Variants in FAM81A observed in about 807,000 individuals in gnomAD.
The protein encoded by FAM81A is protein FAM81A.
FAM81A carries 19 observed loss-of-function variants against 46.7 expected under a neutral mutation model. The observed-to-expected ratio is 0.41, with a 90% CI of 0.28 to 0.60. The LOEUF (loss-of-function observed/expected upper bound fraction) is 0.60. Ranked by LOEUF, FAM81A falls within the 20% of genes least tolerant of loss-of-function variation. The pLI is 0.34. For missense variants in FAM81A, 377 were observed against 453.5 expected, an observed-to-expected ratio of 0.83 and a Z score of 1.53; for synonymous variants, 183 against 152.9, an observed-to-expected ratio of 1.20 and a Z score of -1.45.
At chr15:59,400,451 G>A (rs931329784) in intron 1 of FAM81A, among the ~76,000 whole-genome samples, 2 of 152,158 alleles carry the variant, frequency 1.3e-5, no homozygotes, top group South Asian at 2.1e-4. Context: ...GCCCCGCACC[G>A]GCTCAGACCC....
At chr15:59,465,198 C>T (rs1328109137) in intron 3 of FAM81A, among the ~76,000 whole-genome samples, 1 of 152,124 alleles carries the variant, frequency 6.6e-6, no homozygotes, top group Non-Finnish European at 1.5e-5. Context: ...CAGTACCATG[C>T]TGTTTTGGTT....
chr15:59,444,760 T>C (rs775174832), intron 1 of FAM81A, among the ~76,000 whole-genome samples: 1 of 152,248 alleles, frequency 6.6e-6, no homozygotes, highest in Non-Finnish European at 1.5e-5. Flanking sequence ...TTGACTGTTT[T>C]ATTTTATTTT....
At chr15:59,416,168 G>A (rs1283276738) in intron 2 of FAM81A, among the ~76,000 whole-genome samples, 2 of 152,182 alleles carry the variant, frequency 1.3e-5, no homozygotes, top group Admixed American at 6.5e-5. Context: ...TTATTTGGGA[G>A]GTGATCCCAG....
At chr15:59,453,681 G>A (rs1193593542) in intron 1 of FAM81A, among the ~76,000 whole-genome samples, 1 of 152,014 alleles carries the variant, frequency 6.6e-6, no homozygotes, top group Non-Finnish European at 1.5e-5. Flanking sequence ...GTAAAAATGG[G>A]AAGTTAAGAG....
chr15:59,519,793 T>C (rs1000974650), intron 8 of FAM81A, among the ~76,000 whole-genome samples: 2 of 152,206 alleles, frequency 1.3e-5, no homozygotes, highest in Non-Finnish European at 2.9e-5. Context: ...ACACAATTTC[T>C]TTATTCACTA....
chr15:59,413,034 A>C (rs1225512407), intron 2 of FAM81A, among the ~76,000 whole-genome samples: 3 of 152,300 alleles, frequency 2.0e-5, no homozygotes, highest in African/African-American at 7.2e-5. Context: ...GAGAAACCAG[A>C]ATTTCACAGT....
At position 59,514,405 on chromosome 15, in the gene FAM81A, T is replaced by C; in HGVS notation, c.767T>C (p.Leu256Ser). ...ELLQKIDQLSLIVKENSGASE... is the reference protein window; with the variant it reads ...ELLQKIDQLSSIVKENSGASE... ...TTACAGAAAATTGATCAGCTTTCCT[T>C]GATTGTTAAGGAAAACAGTGTAGGT... Residue 256 changes from leucine (L) to serine (S), a missense_variant, in exon 7 of 9, where the codon TTG becomes TCG. Coordinates refer to ENST00000288228, the MANE Select transcript of FAM81A (RefSeq NM_152450.3). The C allele has an allele frequency of 1.2e-6, 2 of 1,613,256 alleles. No individual in the cohort carries two copies. The highest frequency in any genetic ancestry group is 1.7e-5 in the Admixed American group (1 of 59,752).
intron 4 of FAM81A, among the ~76,000 whole-genome samples, chr15:59,504,856 G>T (rs1461215459): frequency 6.6e-6 from 1 of 152,054 alleles, no homozygotes; most frequent in African/African-American, 2.4e-5. Context: ...CTTTGGGTAG[G>T]TTACTTCTCT....
intron 8 of FAM81A, among the ~76,000 whole-genome samples, chr15:59,518,327 A>G (rs2082288957): frequency 6.6e-6 from 1 of 151,878 alleles, no homozygotes. Flanking sequence ...TGGAAATTAA[A>G]AAAAATGACA....
At chr15:59,507,471 C>A (rs1481924733) in intron 5 of FAM81A, 129 bp downstream of exon 5, 3 of 1,260,150 alleles carry the variant, frequency 2.4e-6, no homozygotes, top group African/African-American at 3.0e-5. Context: ...CAATCATAAG[C>A]ATCTTTTCTT....
chr15:59,416,708 C>T (rs2081148263), intron 2 of FAM81A, among the ~76,000 whole-genome samples: 1 of 152,150 alleles, frequency 6.6e-6, no homozygotes, highest in South Asian at 2.1e-4. Flanking sequence ...TTATCATGTG[C>T]CGGGCACTGT....
intron 3 of FAM81A, among the ~76,000 whole-genome samples, chr15:59,479,096 C>T (rs894994228): frequency 3.3e-5 from 5 of 152,244 alleles, no homozygotes; most frequent in Non-Finnish European, 5.9e-5. Context: ...CTCTGATCTT[C>T]GCCCTGCTGC....
chr15:59,483,106 C>T (rs1416066005), intron 3 of FAM81A, among the ~76,000 whole-genome samples: 8 of 151,954 alleles, frequency 5.3e-5, no homozygotes, highest in African/African-American at 1.9e-4. Context: ...GGCACAATCT[C>T]GGTTCACTGC....
chr15:59,430,920 T>A (rs536126011), intron 2 of FAM81A, among the ~76,000 whole-genome samples: 1 of 152,206 alleles, frequency 6.6e-6, no homozygotes, highest in Non-Finnish European at 1.5e-5. Context: ...ACATAATAGT[T>A]GAACCAATAT....
intron 6 of FAM81A, among the ~76,000 whole-genome samples, chr15:59,513,814 A>G (rs1389592277): frequency 1.3e-5 from 2 of 152,206 alleles, no homozygotes; most frequent in African/African-American, 2.4e-5. Context: ...TAGCAAAGAT[A>G]TGGAATCAAC....
At chr15:59,467,220 G>A (rs1453839541) in intron 3 of FAM81A, among the ~76,000 whole-genome samples, 15 of 152,184 alleles carry the variant, frequency 9.9e-5, no homozygotes, top group African/African-American at 3.4e-4. Context: ...GAACTTTAAA[G>A]CAGTTTTTTT....
intron 2 of FAM81A, among the ~76,000 whole-genome samples, chr15:59,459,405 G>C (rs1434388310): frequency 1.3e-5 from 2 of 152,178 alleles, no homozygotes; most frequent in Non-Finnish European, 2.9e-5. Context: ...TCTGGAAAAA[G>C]GGACCTGAAA....
rs2082342326 is a variant in FAM81A, at chr15:59,523,001, A to T, written c.*1623A>T. 1 of 152,350 alleles carries T rather than the reference A, an allele frequency of 6.6e-6. No homozygotes were observed. Among genetic ancestry groups the T allele is most frequent in the Non-Finnish European group, 1.5e-5 (1 of 68,044 alleles). 9.4% of individuals were successfully genotyped at this position (152,350 alleles called of 1,614,324 possible). A position where few individuals can be genotyped will look rare whatever the true frequency, so the allele number is the denominator to read the frequency against. ...AATGCTGTTTTGCAATCAGAAAGTG[A>T]ATTTCTTTTGTGGTAGCGTACACGT... is the stretch of plus-strand genomic sequence containing the variant. On this transcript the variant is annotated 3_prime_UTR_variant, in exon 9 of 9. Coordinates refer to ENST00000288228, the MANE Select transcript of FAM81A (RefSeq NM_152450.3).
rs1484296543 is a variant in FAM81A at position 59,460,227 on chromosome 15, G to A, written c.294+21G>A. ...TCGAGGTAAGGTTTGTGAAAGTCAG[G>A]TGGCCTATGTCCCTTTCCACAGAAT... is the stretch of plus-strand genomic sequence containing the variant. On this transcript the variant is annotated intron_variant, in intron 3 of 8. Coordinates refer to ENST00000288228, the MANE Select transcript of FAM81A (RefSeq NM_152450.3). The surrounding 1 kb of genome is among the most constrained non-coding windows in gnomAD (Gnocchi z 4.4). 6.2e-7 allele frequency: 1 copy of A among 1,613,934 alleles called. No individual in the cohort carries two copies.
Sources: allele counts gnomAD v4.1 joint callset (sites outside exome capture counted in the v4.1 genomes callset), GRCh38; gene constraint gnomAD v4.1.1; non-coding constraint Gnocchi (gnomAD v3.1); transcripts MANE v1.5; gene names NCBI Gene and HGNC (gene_info 2026-07-23, HGNC 2026-07-21).